The following TSPAN17 variants were observed in gnomAD, a reference collection of about 807,000 sequenced individuals.
TSPAN17 encodes the protein tetraspanin 17.
Under a neutral mutation model 40.5 loss-of-function variants are expected in TSPAN17, and 33 were observed. That is an observed-to-expected ratio of 0.81 (90% CI 0.62 to 1.09). The LOEUF is 1.09. Among genes scored for constraint, TSPAN17 ranks in the 50% least tolerant of loss-of-function variants. TSPAN17 has a pLI of 0.00. For missense variants in TSPAN17, 365 were observed against 416.8 expected (o/e 0.88, Z 1.08); for synonymous variants, 166 against 169.4 (o/e 0.98, Z 0.15).
At chr5:176,653,188 A>T in intron 4 of TSPAN17, 1 of 327,234 alleles carries the variant, frequency 3.1e-6, no homozygotes, top group Admixed American at 4.2e-5. Flanking sequence ...GACACACGGG[A>T]GAATGGAGGA....
In TSPAN17 at chr5:176,651,950, A is replaced by T; in HGVS notation, c.285+50A>T. ...TGGGAACCCCCATCTCCTCCCATCC[A>T]GTTCTTGCAATACAGTTGGAGCTTA... On this transcript the variant is annotated intron_variant, in intron 3 of 8. Coordinates refer to ENST00000508164, the MANE Select transcript of TSPAN17 (RefSeq NM_130465.5). The surrounding 1 kb of genome is among the most constrained non-coding windows in gnomAD (Gnocchi z 4.5). 6.2e-7 allele frequency: 1 copy of T among 1,607,648 alleles called. No individual in the cohort carries two copies. Among genetic ancestry groups the T allele is most frequent in the South Asian group, 1.1e-5 (1 of 90,782 alleles).
rs936105276 is a variant in TSPAN17, at chr5:176,657,290, G to A, written c.810-228G>A. The A allele has an allele frequency of 8.6e-5, 64 of 741,250 alleles. 1 individual carries two copies. In the African/African-American group the frequency reaches 1.1e-3, roughly 12 times the overall value. 45.9% of individuals were successfully genotyped at this position (741,250 alleles called of 1,614,324 possible). ...CAGAGGGTGCAGGCCAAGTGGGGTG[G>A]GAGGTGCTGTGTGGAGGGTCCCCCC... is the stretch of plus-strand genomic sequence containing the variant. On this transcript the variant is annotated intron_variant, in intron 8 of 8. Coordinates refer to ENST00000508164, the MANE Select transcript of TSPAN17 (RefSeq NM_130465.5).
chr5:176,657,614 G>A lies in TSPAN17; in HGVS notation c.906G>A (p.Gly302=). The stretch of plus-strand genomic sequence containing the variant: ...GGCCTCAGCAGAACTCTCTGACTGG[G>A]GCCCCTGGCCCGGCCCCACCCAGCC... ...TAGPQQNSLT[G]APGPAPPSRH... The change falls in exon 9 of 9, where the codon GGG becomes GGA. Residue 302 remains glycine, a synonymous_variant. Transcript: ENST00000508164. 1 of 1,613,708 alleles carries A rather than the reference G, an allele frequency of 6.2e-7. No individual in the cohort carries two copies. The highest frequency in any genetic ancestry group is 8.5e-7 in the Non-Finnish European group (1 of 1,179,922).
chr5:176,652,634 G>A, intron 3 of TSPAN17, 109 bp from the exon 4 acceptor site: 5 of 1,072,718 alleles, frequency 4.7e-6, no homozygotes, highest in Non-Finnish European at 6.9e-6. Flanking sequence ...GGCGCCTCTG[G>A]GTCTTGGTGG....
At chr5:176,656,365 G>T (rs971686324) in intron 6 of TSPAN17, among the ~76,000 whole-genome samples, 2 of 152,206 alleles carry the variant, frequency 1.3e-5, no homozygotes, top group Non-Finnish European at 2.9e-5. Context: ...TGCCCTAGAG[G>T]CCAGAGATTT....
At chr5:176,647,745 G>A in intron 1 of TSPAN17, 43 bp downstream of exon 1, 1 of 1,518,442 alleles carries the variant, frequency 6.6e-7, no homozygotes. Flanking sequence ...GGGGGGTGGT[G>A]GGAGAGGGAG....
In TSPAN17 at chr5:176,651,586, G is replaced by A. The variant is rs752118279; in HGVS notation, c.88-30G>A. 2 of 1,604,148 alleles carry A rather than the reference G, an allele frequency of 1.2e-6. No homozygotes were observed. Among genetic ancestry groups the A allele is most frequent in the South Asian group, 2.2e-5 (2 of 89,838 alleles). On this transcript the variant is annotated intron_variant, in intron 1 of 8. Transcript: ENST00000508164. This position sits in a 1 kb window ranked among gnomAD's most constrained non-coding sequence, Gnocchi z 4.5. ...GGGGAGGGTCCTGGGGCTGCTCCCA[G>A]CCCTGAGCTCTTTGTTGCTGCCCTT...
rs768664069 is a variant in TSPAN17 at position 176,647,504 on chromosome 5, T to G, written c.-112T>G. 1.2e-5 allele frequency: 9 copies of G among 742,698 alleles called. No individual in the cohort carries two copies. The East Asian group carries it at 3.3e-4, about 27-fold the overall frequency. 46.0% of individuals were successfully genotyped at this position (742,698 alleles called of 1,614,324 possible). On this transcript the variant is annotated 5_prime_UTR_variant, in exon 1 of 9. It removes an upstream start codon present in the reference 5' UTR. Coordinates refer to ENST00000508164, the MANE Select transcript of TSPAN17 (RefSeq NM_130465.5). Reference sequence around the variant, plus strand: ...CCGGCGCTCTGTGTGGCCGAGGCCATGAAGCCGCAGCCGCCCGGCTAGGCC... The same window carrying G: ...CCGGCGCTCTGTGTGGCCGAGGCCAGGAAGCCGCAGCCGCCCGGCTAGGCC...
In TSPAN17 at chr5:176,657,671, C is replaced by A; in HGVS notation, c.963C>A (p.Tyr321Ter). Residue 321 changes from tyrosine to a stop codon, truncating the protein, a stop_gained, in exon 9 of 9, where the codon TAC becomes TAA. Transcript: ENST00000508164. LOFTEE classifies it high-confidence loss of function. ...RHVFFGLGGLYPEPTFKNW is the reference protein window; with the variant it reads ...RHVFFGLGGL ...TTTTCTTTGGCCTGGGTGGTTTATA[C>A]CCTGAGCCAACCTTTAAAAATTGGT... 1.3e-6 allele frequency: 2 copies of A among 1,580,210 alleles called. No homozygotes were observed. The highest frequency in any genetic ancestry group is 1.7e-6 in the Non-Finnish European group (2 of 1,167,270).
rs1561918518 is a variant in TSPAN17, at chr5:176,654,919, C to T, written c.481C>T (p.Pro161Ser). ...GTGGTCTTGCTGCGGAGCCCGAGGC[C>T]CCAATGACTGGAACCTCAATATCTA... ...EYWSCCGARGPNDWNLNIYFN... is the reference protein window; with the variant it reads ...EYWSCCGARGSNDWNLNIYFN... The change falls in exon 5 of 9, where the codon CCC becomes TCC. Residue 161 changes from proline (P) to serine (S), a missense_variant. Physicochemically the swap from Pro to Ser is moderately conservative, Grantham distance 74. Transcript: ENST00000508164. This position sits in a 1 kb window ranked among gnomAD's most constrained non-coding sequence, Gnocchi z 4.3. 1.2e-5 allele frequency: 19 copies of T among 1,613,930 alleles called. No individual in the cohort carries two copies. Among genetic ancestry groups the T allele is most frequent in the Non-Finnish European group, 1.5e-5 (18 of 1,179,908 alleles).
chr5:176,652,180 G>A (rs1004703464), intron 3 of TSPAN17, among the ~76,000 whole-genome samples: 4 of 152,148 alleles, frequency 2.6e-5, no homozygotes, highest in Admixed American at 6.5e-5. Flanking sequence ...GTTTCACTTG[G>A]CCTGGTTTCT....
Position 176,654,807 on chromosome 5 carries a change from G to T in TSPAN17, c.457-88G>T. On this transcript the variant is annotated intron_variant, in intron 4 of 8. Transcript: ENST00000508164. The surrounding 1 kb of genome is among the most constrained non-coding windows in gnomAD (Gnocchi z 4.3). ...TCCCAGCCCTGTCCCAGACAGCCCT[G>T]TATTCCTGCAGCCTGGGCTTGTTCC... The T allele has an allele frequency of 6.6e-7, 1 of 1,526,260 alleles. No individual in the cohort carries two copies. The highest frequency in any genetic ancestry group is 2.3e-5 in the East Asian group (1 of 42,662). 94.5% of individuals were successfully genotyped at this position (1,526,260 alleles called of 1,614,324 possible). A position where few individuals can be genotyped will look rare whatever the true frequency, so the allele number is the denominator to read the frequency against.
intron 5 of TSPAN17, 136 bp downstream of exon 5, chr5:176,655,156 C>T (rs1056853815): frequency 1.7e-6 from 2 of 1,163,172 alleles, no homozygotes; most frequent in Non-Finnish European, 2.4e-6. Flanking sequence ...ACATGGGTGG[C>T]ACTGAGGCCT....
At position 176,651,925 on chromosome 5, in the gene TSPAN17, T is replaced by C. The variant is rs771173071; in HGVS notation, c.285+25T>C. ...TGTGAGTGCTGCCCTCAAGATCCCC[T>C]GGGAACCCCCATCTCCTCCCATCCA... On this transcript the variant is annotated intron_variant, in intron 3 of 8. Transcript: ENST00000508164. This position sits in a 1 kb window ranked among gnomAD's most constrained non-coding sequence, Gnocchi z 4.5. 4.3e-6 allele frequency: 7 copies of C among 1,612,670 alleles called. No homozygotes were observed. The African/African-American group carries it at 9.3e-5, about 22-fold the overall frequency.
At position 176,656,739 on chromosome 5, in the gene TSPAN17, G is replaced by T. The variant is rs759956032; in HGVS notation, c.670G>T (p.Val224Leu). 4 of 1,614,200 alleles carry T rather than the reference G, an allele frequency of 2.5e-6. No individual in the cohort carries two copies. Among genetic ancestry groups the T allele is most frequent in the Non-Finnish European group, 3.4e-6 (4 of 1,180,004 alleles). Residue 224 changes from valine (V) to leucine (L), a missense_variant, in exon 7 of 9, where the codon GTG becomes TTG. Coordinates refer to ENST00000508164, the MANE Select transcript of TSPAN17 (RefSeq NM_130465.5). ...QQGFIHTKGC[V>L]GQFEKWLQDN... Reference sequence around the variant, plus strand: ...GGGCTTCATCCACACCAAAGGCTGCGTGGGCCAGTTTGAGAAGTGGCTGCA... The same window carrying T: ...GGGCTTCATCCACACCAAAGGCTGCTTGGGCCAGTTTGAGAAGTGGCTGCA...
At chr5:176,655,824 C>G (rs1162648347) in intron 5 of TSPAN17, among the ~76,000 whole-genome samples, 1 of 151,452 alleles carries the variant, frequency 6.6e-6, no homozygotes, top group Non-Finnish European at 1.5e-5. Context: ...TCACTTGAGG[C>G]CAGGAGGTCG....
rs1268065945 is a variant in TSPAN17, at chr5:176,650,319, G to A, written c.88-1297G>A. Among the ~76,000 whole-genome samples the A allele has an allele frequency of 1.3e-5, 2 of 152,184 alleles. No homozygotes were observed. The highest frequency in any genetic ancestry group is 2.9e-5 in the Non-Finnish European group (2 of 68,030). ...GGACCAGCCACAGGTGGTCCCTCCA[G>A]GAACACAGCCCTCCAGGAACTCCTG... On this transcript the variant is annotated intron_variant, in intron 1 of 8. Coordinates refer to ENST00000508164, the MANE Select transcript of TSPAN17 (RefSeq NM_130465.5). This position sits in a 1 kb window ranked among gnomAD's most constrained non-coding sequence, Gnocchi z 4.0.
In TSPAN17 at chr5:176,656,963, C is replaced by A. The variant is rs1189495282; in HGVS notation, c.809+7C>A. On this transcript the variant is annotated splice_region_variant and intron_variant, in intron 8 of 8. Transcript: ENST00000508164. ...AGGCAGTGAAAGCCAACTGGTGAGG[C>A]CGCCAGAGGCCATGGCCACATGCCT... 2 of 1,611,732 alleles carry A rather than the reference C, an allele frequency of 1.2e-6. No individual in the cohort carries two copies. The highest frequency in any genetic ancestry group is 1.7e-4 in the Middle Eastern group (1 of 6,060).
Position 176,650,013 on chromosome 5 carries a change from T to G in TSPAN17, c.88-1603T>G, listed in dbSNP as rs1760904468. Among the ~76,000 whole-genome samples the G allele has an allele frequency of 6.6e-6, 1 of 152,242 alleles. No homozygotes were observed. Among genetic ancestry groups the G allele is most frequent in the South Asian group, 2.1e-4 (1 of 4,828 alleles). ...CCCGCTCGATATTTGTTAAGGGGTCTGTTTGCATCTGAGGTTTCCTTGTCT... is the reference window on the plus strand; with the variant it reads ...CCCGCTCGATATTTGTTAAGGGGTCGGTTTGCATCTGAGGTTTCCTTGTCT... On this transcript the variant is annotated intron_variant, in intron 1 of 8. Coordinates refer to ENST00000508164, the MANE Select transcript of TSPAN17 (RefSeq NM_130465.5). The surrounding 1 kb of genome is among the most constrained non-coding windows in gnomAD (Gnocchi z 4.0).
Sources: gnomAD v4.1 joint callset for allele counts (sites outside exome capture counted in the v4.1 genomes callset) on GRCh38, gnomAD v4.1.1 for gene constraint, Gnocchi (gnomAD v3.1) non-coding constraint, MANE v1.5 for transcripts, NCBI Gene and HGNC (gene_info 2026-07-23, HGNC 2026-07-21) for gene names.